RFWD3: variants seen among roughly 807,000 people sequenced by gnomAD.
RFWD3 encodes the protein E3 ubiquitin-protein ligase RFWD3.
A neutral mutation model predicts 87.7 loss-of-function variants in RFWD3; 65 were observed. The ratio of observed to expected loss-of-function variants is 0.74; its 90% CI spans 0.61 to 0.91. The LOEUF (loss-of-function observed/expected upper bound fraction) is 0.91. Among genes scored for constraint, RFWD3 ranks in the 40% least tolerant of loss-of-function variants. The pLI, the probability that RFWD3 is intolerant of heterozygous loss-of-function variation, is 0.00. For synonymous variants in RFWD3, 433 were observed against 352.8 expected (o/e 1.23, Z -2.55); for missense variants, 1,078 against 938.5 (o/e 1.15, Z -1.94).
chr16:74,626,504 G>C lies in RFWD3; in HGVS notation c.2020C>G (p.Leu674Val), dbSNP rs1958937967. ...CAGATTGGATTTCCAGTGTCATCCA[G>C]TCGGTAGGACATTTCCATCAGCACA... ...RSVLMEMSYR[L>V]DDTGNPICSC... is the part of the protein sequence containing the mutation. The change falls in exon 12 of 13, where the codon CTG becomes GTG. Residue 674 changes from leucine (L) to valine (V), a missense_variant. Coordinates refer to ENST00000361070, the MANE Select transcript of RFWD3 (RefSeq NM_018124.4). The C allele has an allele frequency of 6.2e-7, 1 of 1,614,004 alleles. No homozygotes were observed. Among genetic ancestry groups the C allele is most frequent in the South Asian group, 1.1e-5 (1 of 91,084 alleles).
chr16:74,632,128 C>T (rs909607373), intron 9 of RFWD3, among the ~76,000 whole-genome samples: 3 of 151,752 alleles, frequency 2.0e-5, no homozygotes, highest in African/African-American at 7.3e-5. Context: ...CAGTGGCTCA[C>T]GCCTGTAATC....
At chr16:74,639,363 C>A (rs1959438279) in intron 6 of RFWD3, among the ~76,000 whole-genome samples, 1 of 152,178 alleles carries the variant, frequency 6.6e-6, no homozygotes, top group Non-Finnish European at 1.5e-5. Context: ...ATGATTACAA[C>A]ATCACTTACG....
At chr16:74,644,813 A>C in intron 4 of RFWD3, 78 bp from the exon 5 acceptor site, 1 of 1,370,950 alleles carries the variant, frequency 7.3e-7, no homozygotes, top group Non-Finnish European at 1.0e-6. Context: ...CTAAGAAATT[A>C]ACAGAAGTGC....
chr16:74,636,319 T>A, intron 8 of RFWD3, 27 bp downstream of exon 8: 1 of 1,591,614 alleles, frequency 6.3e-7, no homozygotes, highest in Non-Finnish European at 8.6e-7. Flanking sequence ...ATAAAGAACA[T>A]GAAAGCTGAG....
intron 2 of RFWD3, among the ~76,000 whole-genome samples, chr16:74,656,308 C>CAAAAAAAAAAAAAA (rs71158534): frequency 1.6e-5 from 1 of 64,214 alleles, no homozygotes; most frequent in Non-Finnish European, 2.7e-5. Context: ...CTTGTCTTGC[C>CAAAAAAAAAAAAAA]AAAAAAAAAA....
intron 8 of RFWD3, among the ~76,000 whole-genome samples, chr16:74,634,431 C>T (rs146216466): frequency 5.3e-4 from 80 of 152,040 alleles, no homozygotes; most frequent in African/African-American, 1.8e-3. Flanking sequence ...GTCACCCATG[C>T]TAAGGTGCAG....
At chr16:74,624,624 T>A (rs2144003712) in intron 12 of RFWD3, among the ~76,000 whole-genome samples, 1 of 152,328 alleles carries the variant, frequency 6.6e-6, no homozygotes, top group South Asian at 2.1e-4. Context: ...CTAGAACTCC[T>A]GACCTCAGGT....
At chr16:74,660,723 C>T (rs1022599065) in intron 2 of RFWD3, 6 of 556,106 alleles carry the variant, frequency 1.1e-5, no homozygotes, top group Non-Finnish European at 1.6e-5. Context: ...AACAAACTAC[C>T]ACCTAGTTTT....
chr16:74,636,618 T>C (rs774078573), intron 7 of RFWD3, 41 bp from the exon 8 acceptor site: 17 of 1,395,662 alleles, frequency 1.2e-5, no homozygotes, highest in Non-Finnish European at 1.5e-5. Context: ...GCTTTTTAAT[T>C]TGATATTCCC....
chr16:74,661,436 G>A lies in RFWD3; in HGVS notation c.14C>T (p.Ala5Val). Residue 5 changes from alanine (A) to valine (V), a missense_variant, in exon 2 of 13, where the codon GCA becomes GTA. Ala to Val is a moderately conservative substitution (Grantham distance 64). Coordinates refer to ENST00000361070, the MANE Select transcript of RFWD3 (RefSeq NM_018124.4). Reference sequence around the variant, plus strand: ...CTGCACCTGAACATCATATTCCATTGCTTCATGAGCCATCACTAGAGAAAC... The same window carrying A: ...CTGCACCTGAACATCATATTCCATTACTTCATGAGCCATCACTAGAGAAAC... MAHE[A>V]MEYDVQVQLN... is the part of the protein sequence containing the mutation. 3 of 1,606,902 alleles carry A rather than the reference G, an allele frequency of 1.9e-6. No individual in the cohort carries two copies. Among genetic ancestry groups the A allele is most frequent in the Non-Finnish European group, 1.7e-6 (2 of 1,177,384 alleles).
At chr16:74,650,302 T>A (rs928798696) in intron 3 of RFWD3, among the ~76,000 whole-genome samples, 1 of 152,218 alleles carries the variant, frequency 6.6e-6, no homozygotes, top group Admixed American at 6.6e-5. Flanking sequence ...CCCCCGTTTC[T>A]ACAAACTATG....
chr16:74,632,599 G>A lies in RFWD3; in HGVS notation c.1501C>T (p.Arg501Cys), dbSNP rs748795600. ...QYIPMHGKQI[R>C]GLAFSSYLRG... ...AGGTAACTGCTAAACGCCAGTCCACGGATCTGTTTGCCATGCATCGGAATG... is the reference window on the plus strand; with the variant it reads ...AGGTAACTGCTAAACGCCAGTCCACAGATCTGTTTGCCATGCATCGGAATG... The change falls in exon 9 of 13, where the codon CGT (arginine) becomes TGT (cysteine). Residue 501 changes from arginine to cysteine, a missense_variant. Coordinates refer to ENST00000361070, the MANE Select transcript of RFWD3 (RefSeq NM_018124.4). 14 of 1,613,934 alleles carry A rather than the reference G, an allele frequency of 8.7e-6. No individual in the cohort carries two copies. Among genetic ancestry groups the A allele is most frequent in the South Asian group, 3.3e-5 (3 of 91,076 alleles).
At chr16:74,638,757 A>C (rs1487818805) in intron 6 of RFWD3, among the ~76,000 whole-genome samples, 1 of 152,246 alleles carries the variant, frequency 6.6e-6, no homozygotes, top group African/African-American at 2.4e-5. Context: ...AAATTCATTC[A>C]CAACAATTTT....
chr16:74,631,716 A>C (rs1407277828), intron 9 of RFWD3, among the ~76,000 whole-genome samples: 2 of 152,178 alleles, frequency 1.3e-5, no homozygotes, highest in Non-Finnish European at 2.9e-5. Context: ...GTAACAGACC[A>C]GGACCAGGAG....
intron 6 of RFWD3, among the ~76,000 whole-genome samples, chr16:74,639,210 G>T (rs1173875313): frequency 6.6e-6 from 1 of 151,916 alleles, no homozygotes; most frequent in Non-Finnish European, 1.5e-5. Flanking sequence ...GCTAATTTTT[G>T]TATTTTTAGT....
rs1597460213 is a variant in RFWD3, at chr16:74,661,147, T to C, written c.303A>G (p.Gln101=). ...VENINPRTSE[Q]HRQGSDGNHT... ...GATTACCATCAGATCCCTGCCTATGTTGTTCTGAAGTTCTTGGATTGATGT... is the reference window on the plus strand; with the variant it reads ...GATTACCATCAGATCCCTGCCTATGCTGTTCTGAAGTTCTTGGATTGATGT... Residue 101 remains glutamine, a synonymous_variant, in exon 2 of 13, where the codon CAA becomes CAG. Coordinates refer to ENST00000361070, the MANE Select transcript of RFWD3 (RefSeq NM_018124.4). 2 of 1,614,202 alleles carry C rather than the reference T, an allele frequency of 1.2e-6. No homozygotes were observed. The highest frequency in any genetic ancestry group is 8.5e-7 in the Non-Finnish European group (1 of 1,180,038).
chr16:74,646,622 C>T (rs1728961243), intron 4 of RFWD3, among the ~76,000 whole-genome samples: 1 of 151,902 alleles, frequency 6.6e-6, no homozygotes, highest in South Asian at 2.1e-4. Flanking sequence ...CTCGTCTCTA[C>T]TAAAATACAA....
At chr16:74,631,005 A>G in intron 9 of RFWD3, 48 bp from the exon 10 acceptor site, 2 of 1,483,708 alleles carry the variant, frequency 1.3e-6, no homozygotes, top group South Asian at 2.5e-5. Context: ...AAAATCAAAT[A>G]CATGACAAAG....
chr16:74,636,282 G>C lies in RFWD3; in HGVS notation c.1426+64C>G, dbSNP rs901077756. ...CCTTTGAGTCTTGAATTTTCCAAAA[G>C]GCAAGGAAATAAATATATGGAGTCT... is the stretch of plus-strand genomic sequence containing the variant. On this transcript the variant is annotated intron_variant, in intron 8 of 12. Coordinates refer to ENST00000361070, the MANE Select transcript of RFWD3 (RefSeq NM_018124.4). 4.1e-6 allele frequency: 6 copies of C among 1,461,170 alleles called. No homozygotes were observed. The African/African-American group carries it at 5.6e-5, about 14-fold the overall frequency. The allele number at this position is 1,461,170 out of a possible 1,614,324, so 90.5% of individuals were successfully genotyped here.
Sources: allele counts gnomAD v4.1 joint callset (sites outside exome capture counted in the v4.1 genomes callset), GRCh38; gene constraint gnomAD v4.1.1; transcripts MANE v1.5; gene names NCBI Gene and HGNC (gene_info 2026-07-23, HGNC 2026-07-21).